Variants in RBFOX1 observed in about 807,000 individuals in gnomAD.
RBFOX1 encodes the protein RNA binding protein fox-1 homolog 1.
A neutral mutation model predicts 57.7 loss-of-function variants in RBFOX1; 8 were observed. That is an observed-to-expected ratio of 0.14 (90% CI 0.08 to 0.25). The LOEUF (loss-of-function observed/expected upper bound fraction) is 0.25. Among genes scored for constraint, RBFOX1 ranks in the 10% least tolerant of loss-of-function variants. The probability of loss-of-function intolerance (pLI) is 1.00; values close to 1 mark genes in which losing one functional copy is unlikely to be tolerated. For synonymous variants in RBFOX1, 326 were observed against 222.4 expected, an observed-to-expected ratio of 1.47 and a Z score of -4.15; for missense variants, 611 against 548.5, an observed-to-expected ratio of 1.11 and a Z score of -1.14.
intron 2 of RBFOX1, among the ~76,000 whole-genome samples, chr16:6,542,444 G>C (rs1357508268): frequency 6.9e-6 from 1 of 144,346 alleles, no homozygotes. Context: ...TGTCTCAGTG[G>C]ATAATCGCAT....
At chr16:6,549,405 GGAGGGAGGAGGAGGA>G (rs2096947706) in intron 2 of RBFOX1, among the ~76,000 whole-genome samples, 1 of 13,234 alleles carries the variant, frequency 7.6e-5, no homozygotes. Flanking sequence ...GGGAGGAGGA[GGAGGGAGGAGGAGGA>G]GGAGGGGAGG....
At chr16:6,251,794 C>T (rs916367174) in intron 1 of RBFOX1, among the ~76,000 whole-genome samples, 3 of 152,008 alleles carry the variant, frequency 2.0e-5, no homozygotes, top group African/African-American at 2.4e-5. Flanking sequence ...CACTTCACTT[C>T]GGGACTTCTC....
At chr16:6,866,746 G>C (rs879296044) in intron 3 of RBFOX1, among the ~76,000 whole-genome samples, 13 of 151,738 alleles carry the variant, frequency 8.6e-5, no homozygotes, top group Non-Finnish European at 7.4e-5. Context: ...GTTTCACCGT[G>C]TTAGCCAGGA....
At chr16:7,220,340 C>G (rs976288388) in intron 4 of RBFOX1, among the ~76,000 whole-genome samples, 1 of 152,136 alleles carries the variant, frequency 6.6e-6, no homozygotes, top group South Asian at 2.1e-4. Flanking sequence ...AACTTGGTGT[C>G]ATTCATGCAA....
intron 4 of RBFOX1, among the ~76,000 whole-genome samples, chr16:7,224,450 C>G (rs1159983422): frequency 6.6e-6 from 1 of 152,148 alleles, no homozygotes; most frequent in East Asian, 1.9e-4. Context: ...ATCACCAGCC[C>G]AGTGCTTCTC....
At chr16:7,375,043 T>G (rs1220455113) in intron 4 of RBFOX1, among the ~76,000 whole-genome samples, 1 of 152,184 alleles carries the variant, frequency 6.6e-6, no homozygotes, top group African/African-American at 2.4e-5. Context: ...TTTGTTAGAG[T>G]AGATAGGCGT....
At chr16:5,443,103 T>A (rs2068134606) in intron 1 of RBFOX1, among the ~76,000 whole-genome samples, 1 of 152,122 alleles carries the variant, frequency 6.6e-6, no homozygotes, top group African/African-American at 2.4e-5. Flanking sequence ...TGCTGACACC[T>A]TTATTGTGGA....
intron 3 of RBFOX1, among the ~76,000 whole-genome samples, chr16:5,748,630 C>A (rs1209766382): frequency 6.6e-6 from 1 of 152,098 alleles, no homozygotes. Flanking sequence ...ATATAATGGC[C>A]TTCTTTGTCT....
intron 5 of RBFOX1, among the ~76,000 whole-genome samples, chr16:7,523,323 A>C (rs1947255570): frequency 6.6e-6 from 1 of 152,202 alleles, no homozygotes; most frequent in African/African-American, 2.4e-5. Context: ...TTTGAAACAG[A>C]AGAGAAGGAA....
chr16:5,822,793 G>C (rs2055902933), intron 3 of RBFOX1, among the ~76,000 whole-genome samples: 1 of 152,164 alleles, frequency 6.6e-6, no homozygotes. Context: ...TAAGTGCATG[G>C]ACTTTGGAAC....
intron 4 of RBFOX1, among the ~76,000 whole-genome samples, chr16:7,238,567 T>C (rs2093893981): frequency 6.6e-6 from 1 of 152,196 alleles, no homozygotes; most frequent in Non-Finnish European, 1.5e-5. Flanking sequence ...TACTTCTGTG[T>C]TCTTCCCATC....
In RBFOX1 at chr16:6,069,611, C is replaced by T. The variant is rs372301734; in HGVS notation, c.-127+49619C>T. Among the ~76,000 whole-genome samples the T allele has an allele frequency of 3.3e-4, 50 of 152,226 alleles. No individual in the cohort carries two copies. In the South Asian group the frequency reaches 8.3e-3, roughly 25 times the overall value. On this transcript the variant is annotated intron_variant, in intron 1 of 15. Coordinates refer to ENST00000550418, the MANE Select transcript of RBFOX1 (RefSeq NM_018723.4). ...GAATTTCAAGGTCATATAAACCTTC[C>T]GCAAACTTAGTTATTTTAGGAAGTA... is the stretch of plus-strand genomic sequence containing the variant.
chr16:7,054,240 T>C (rs1259023124), intron 4 of RBFOX1, among the ~76,000 whole-genome samples: 7 of 97,314 alleles, frequency 7.2e-5, no homozygotes, highest in African/African-American at 2.4e-4. Flanking sequence ...GAGCTTTTTT[T>C]TTTTTTTTTT....
intron 2 of RBFOX1, among the ~76,000 whole-genome samples, chr16:6,450,826 T>TAC (rs1489848553): frequency 2.4e-4 from 8 of 32,914 alleles, no homozygotes; most frequent in African/African-American, 6.8e-4. Context: ...TACATATATA[T>TAC]ATATATATAT....
rs190936269 is a variant in RBFOX1 at position 5,624,939 on chromosome 16, G to A, written c.318+25978G>A. Among the ~76,000 whole-genome samples, 33 of 152,248 alleles carry A rather than the reference G, an allele frequency of 2.2e-4. 1 individual carries two copies. Among genetic ancestry groups the A allele is most frequent in the African/African-American group, 7.2e-4 (30 of 41,552 alleles). ...TCTGGTGCCAAACAGCAAAATGCAC[G>A]GTCTGTAGGGACCCCACCCGGATTT... On this transcript the variant is annotated intron_variant, in intron 3 of 19. Transcript: ENST00000641259.
intron 3 of RBFOX1, among the ~76,000 whole-genome samples, chr16:5,781,854 G>C (rs899228531): frequency 6.6e-6 from 1 of 152,220 alleles, no homozygotes; most frequent in Non-Finnish European, 1.5e-5. Flanking sequence ...CTCATGAAGA[G>C]ATTGTCTTAG....
chr16:5,483,861 C>G (rs986310638), intron 2 of RBFOX1, among the ~76,000 whole-genome samples: 2 of 152,168 alleles, frequency 1.3e-5, no homozygotes, highest in Non-Finnish European at 2.9e-5. Flanking sequence ...AAGAATCTCT[C>G]ACAGGCTGTA....
chr16:6,650,057 G>A lies in RBFOX1; in HGVS notation c.-63-4546G>A, dbSNP rs117113270. Among the ~76,000 whole-genome samples, 308 of 152,184 alleles carry A rather than the reference G, an allele frequency of 2.0e-3. 10 individuals are homozygous for A. The East Asian group carries it at 0.05, about 25-fold the overall frequency. ...AAGTGCAGAGATCTCTTTGACATAC[G>A]GATTTCATTTCCTTTGAGTGAATAT... On this transcript the variant is annotated intron_variant, in intron 2 of 15. Coordinates refer to ENST00000550418, the MANE Select transcript of RBFOX1 (RefSeq NM_018723.4).
intron 3 of RBFOX1, among the ~76,000 whole-genome samples, chr16:5,799,484 A>G (rs1444802694): frequency 2.6e-5 from 4 of 152,234 alleles, no homozygotes; most frequent in African/African-American, 9.6e-5. Flanking sequence ...ATATAATGAT[A>G]TGGAAGCAAC....
Sources: gnomAD v4.1 joint callset for allele counts (sites outside exome capture counted in the v4.1 genomes callset) on GRCh38, gnomAD v4.1.1 for gene constraint, MANE v1.5 for transcripts, NCBI Gene and HGNC (gene_info 2026-07-23, HGNC 2026-07-21) for gene names.